The following COX7A2L variants were observed in gnomAD, a reference collection of about 807,000 sequenced individuals.
The protein encoded by COX7A2L is cytochrome c oxidase subunit 7A2 like.
A neutral mutation model predicts 14.2 loss-of-function variants in COX7A2L; 18 were observed. That is an observed-to-expected ratio of 1.27 (90% CI 0.88 to 1.88). COX7A2L has a LOEUF of 1.88. Ranked by LOEUF, COX7A2L falls within the 40% of genes most tolerant of loss-of-function variation. The probability of loss-of-function intolerance (pLI) is 0.00; values close to 1 mark genes in which losing one functional copy is unlikely to be tolerated. For synonymous variants in COX7A2L, 65 were observed against 57.4 expected, an observed-to-expected ratio of 1.13 and a Z score of -0.60; for missense variants, 179 against 138.8, an observed-to-expected ratio of 1.29 and a Z score of -1.46.
At chr2:42,346,367 T>C (rs756196701), downstream of COX7A2L, among the ~76,000 whole-genome samples, 1 of 152,164 alleles carries the variant, frequency 6.6e-6, no homozygotes, top group Non-Finnish European at 1.5e-5. Flanking sequence ...TCCCTTTGTG[T>C]ATCAGCTGGA....
chr2:42,352,429 T>G (rs1244726636), intron 2 of COX7A2L, among the ~76,000 whole-genome samples: 1 of 152,170 alleles, frequency 6.6e-6, no homozygotes, highest in African/African-American at 2.4e-5. Context: ...GCTGCACAAG[T>G]GAGCCACCAC....
downstream of COX7A2L, among the ~76,000 whole-genome samples, chr2:42,349,054 G>T (rs1480274960): frequency 6.6e-6 from 1 of 152,164 alleles, no homozygotes; most frequent in East Asian, 1.9e-4. Context: ...AAACAGTCTG[G>T]CAGTTCCTCA....
intron 1 of COX7A2L, among the ~76,000 whole-genome samples, chr2:42,368,286 A>C (rs1487610757): frequency 2.0e-5 from 3 of 152,134 alleles, no homozygotes; most frequent in South Asian, 2.1e-4. Context: ...CAGCTCTCCC[A>C]CACCCACTAA....
At chr2:42,360,027 G>A (rs1038783392) in intron 1 of COX7A2L, 1 of 152,200 alleles carries the variant, frequency 6.6e-6, no homozygotes, top group Non-Finnish European at 1.5e-5. Flanking sequence ...TACCAGACCT[G>A]AAATCTTTCT....
At position 42,349,433 on chromosome 2, in the gene COX7A2L, C is replaced by G. The variant is rs1389961376; in HGVS notation, c.*1786G>C. 1.3e-5 allele frequency: 2 copies of G among 152,032 alleles called. No individual in the cohort carries two copies. Among genetic ancestry groups the G allele is most frequent in the African/African-American group, 4.8e-5 (2 of 41,402 alleles). The allele number at this position is 152,032 out of a possible 1,614,324, so 9.4% of individuals were successfully genotyped here. On this transcript the variant is annotated 3_prime_UTR_variant, in exon 3 of 3. Transcript: ENST00000234301. ...AAAGTAGATGAGTGCTTGCTTTGGG[C>G]TAGGAGGTGGGAGTTGGGATGGTGG...
rs1341588152 is a variant in COX7A2L, at chr2:42,344,313, G to A, written c.192+8899C>T. On this transcript the variant is annotated intron_variant, in intron 2 of 2. Coordinates refer to the COX7A2L transcript ENST00000468711. ...AACAGTCAGAAACCTCTGCTTACAC[G>A]TGTTTTTCCATTCCACTCCCATACC... is the stretch of plus-strand genomic sequence containing the variant. Among the ~76,000 whole-genome samples, 10 of 152,210 alleles carry A rather than the reference G, an allele frequency of 6.6e-5. No homozygotes were observed. The East Asian group carries it at 1.9e-3, about 29-fold the overall frequency.
At chr2:42,359,748 A>C (rs1002367758) in intron 1 of COX7A2L, 1 of 152,058 alleles carries the variant, frequency 6.6e-6, no homozygotes, top group African/African-American at 2.4e-5. Flanking sequence ...CCATATTCAA[A>C]AATCTAGCTG....
At chr2:42,364,314 C>T (rs958085282), upstream of COX7A2L, among the ~76,000 whole-genome samples, 2 of 151,132 alleles carry the variant, frequency 1.3e-5, no homozygotes, top group Non-Finnish European at 2.9e-5. Context: ...TGTAGGCCTG[C>T]AGGAGTTGAG....
chr2:42,346,671 G>A (rs534796387), downstream of COX7A2L, among the ~76,000 whole-genome samples: 2 of 151,776 alleles, frequency 1.3e-5, no homozygotes, highest in Admixed American at 1.3e-4. Flanking sequence ...GGGTGAGGTG[G>A]ATCACTTGAG....
In COX7A2L at chr2:42,338,761, A is replaced by C. The variant is rs1212366820; in HGVS notation, c.193-4892T>G. Among the ~76,000 whole-genome samples, 5 of 152,330 alleles carry C rather than the reference A, an allele frequency of 3.3e-5. No individual in the cohort carries two copies. The highest frequency in any genetic ancestry group is 1.2e-4 in the African/African-American group (5 of 41,576). The stretch of plus-strand genomic sequence containing the variant: ...CAGGAAACAGTTTTCACTCACAGGG[A>C]GAATTACTGCTTCCCATGAAAGCAT... On this transcript the variant is annotated intron_variant, in intron 2 of 2. Transcript: ENST00000468711. This position sits in a 1 kb window ranked among gnomAD's most constrained non-coding sequence, Gnocchi z 4.4.
At chr2:42,341,053 T>C (rs1042534979) in intron 2 of COX7A2L, among the ~76,000 whole-genome samples, 4 of 152,048 alleles carry the variant, frequency 2.6e-5, no homozygotes, top group Admixed American at 2.0e-4. Context: ...AGATTCTGTC[T>C]TGGTTATAAC....
chr2:42,361,463 A>G (rs977365494), upstream of COX7A2L: 85 of 278,490 alleles, frequency 3.1e-4, no homozygotes, highest in Non-Finnish European at 7.6e-5. Flanking sequence ...CAGTGCCACG[A>G]CAACTCAAGA....
chr2:42,344,807 C>T (rs1398205956), downstream of COX7A2L, among the ~76,000 whole-genome samples: 13 of 150,978 alleles, frequency 8.6e-5, no homozygotes, highest in African/African-American at 1.7e-4. Context: ...GCTGAGATTG[C>T]GCCACTGTAC....
intron 1 of COX7A2L, among the ~76,000 whole-genome samples, chr2:42,355,593 T>TTATAGAA (rs1394199066): frequency 5.3e-5 from 8 of 152,038 alleles, no homozygotes; most frequent in South Asian, 2.1e-4. Flanking sequence ...TTGTAAAAGT[T>TTATAGAA]TATAGAATTG....
intron 2 of COX7A2L, among the ~76,000 whole-genome samples, chr2:42,341,412 C>A (rs965842239): frequency 6.6e-6 from 1 of 152,218 alleles, no homozygotes; most frequent in Non-Finnish European, 1.5e-5. Flanking sequence ...TACCCCAAGG[C>A]CTGCCCAAGC....
At chr2:42,337,078 A>G (rs1351234712) in intron 2 of COX7A2L, among the ~76,000 whole-genome samples, 2 of 152,208 alleles carry the variant, frequency 1.3e-5, no homozygotes, top group South Asian at 2.1e-4. Context: ...TATAATGTAT[A>G]ATGGATGTAC....
intron 1 of COX7A2L, among the ~76,000 whole-genome samples, chr2:42,355,714 G>GTTTTT (rs1254293234): frequency 8.8e-4 from 73 of 82,780 alleles, no homozygotes; most frequent in Non-Finnish European, 1.1e-3. Context: ...AAAATCCTAC[G>GTTTTT]TTCTTTTTTT....
chr2:42,352,267 T>C (rs535909732), intron 2 of COX7A2L, among the ~76,000 whole-genome samples: 3 of 152,156 alleles, frequency 2.0e-5, no homozygotes, highest in Non-Finnish European at 4.4e-5. Context: ...AATCCTGGGC[T>C]AAAGTGATCC....
At chr2:42,359,866 T>A (rs1178488494) in intron 1 of COX7A2L, 2 of 150,592 alleles carry the variant, frequency 1.3e-5, no homozygotes, top group East Asian at 3.9e-4. Context: ...AAAAAAAACT[T>A]GCCCTTCTTA....
Sources: allele counts gnomAD v4.1 joint callset (sites outside exome capture counted in the v4.1 genomes callset), GRCh38; gene constraint gnomAD v4.1.1; non-coding constraint Gnocchi (gnomAD v3.1); transcripts MANE v1.5; gene names NCBI Gene and HGNC (gene_info 2026-07-23, HGNC 2026-07-21).